SLC24A2: variants seen among roughly 807,000 people sequenced by gnomAD.
The protein encoded by SLC24A2 is solute carrier family 24 member 2, also known as sodium/potassium/calcium exchanger 2.
A neutral mutation model predicts 62.0 loss-of-function variants in SLC24A2; 36 were observed. The ratio of observed to expected loss-of-function variants is 0.58; its 90% confidence interval spans 0.44 to 0.77. The LOEUF (loss-of-function observed/expected upper bound fraction) is 0.77. SLC24A2 is among the 30% of genes least tolerant of loss of function. The probability of loss-of-function intolerance (pLI) is 0.00; values close to 1 mark genes in which losing one functional copy is unlikely to be tolerated. For synonymous variants in SLC24A2, 358 were observed against 294.0 expected, an observed-to-expected ratio of 1.22 and a Z score of -2.23; for missense variants, 846 against 817.9, an observed-to-expected ratio of 1.03 and a Z score of -0.42.
the SLC24A2 span, among the ~76,000 whole-genome samples, chr9:19,875,641 G>C: frequency 2.0e-5 from 3 of 152,212 alleles, no homozygotes; most frequent in Non-Finnish European, 4.4e-5. Context: ...TAGGGCTCAA[G>C]AAAGAGGAAT....
intron 2 of SLC24A2, among the ~76,000 whole-genome samples, chr9:19,741,161 A>T (rs1046230863): frequency 5.3e-5 from 8 of 152,072 alleles, no homozygotes; most frequent in African/African-American, 1.9e-4. Context: ...ATTGTGTGCT[A>T]TTGATTCCGC....
At chr9:20,224,338 C>T in the SLC24A2 span, among the ~76,000 whole-genome samples, 9 of 151,758 alleles carry the variant, frequency 5.9e-5, no homozygotes, top group African/African-American at 1.9e-4. Flanking sequence ...GCCACAAACA[C>T]GATGAGTTGC....
At chr9:20,296,751 G>T in the SLC24A2 span, among the ~76,000 whole-genome samples, 2 of 152,200 alleles carry the variant, frequency 1.3e-5, no homozygotes, top group Admixed American at 1.3e-4. Context: ...ATAAAGCTGG[G>T]TGTACAGAAT....
At chr9:20,284,688 G>A in the SLC24A2 span, among the ~76,000 whole-genome samples, 1 of 152,106 alleles carries the variant, frequency 6.6e-6, no homozygotes, top group African/African-American at 2.4e-5. Flanking sequence ...GAAACTAGTA[G>A]AGTTTCACAA....
At chr9:19,584,273 TAAAAA>T (rs5896848) in intron 5 of SLC24A2, among the ~76,000 whole-genome samples, 11 of 119,918 alleles carry the variant, frequency 9.2e-5, no homozygotes, top group Admixed American at 3.3e-4. Context: ...TAGCAAATAG[TAAAAA>T]AAAAAAAAAA....
chr9:19,888,458 A>G, the SLC24A2 span, among the ~76,000 whole-genome samples: 4 of 152,174 alleles, frequency 2.6e-5, no homozygotes, highest in African/African-American at 9.7e-5. Context: ...TATTTATAAT[A>G]AAACCCCCAA....
the SLC24A2 span, among the ~76,000 whole-genome samples, chr9:20,075,471 C>T: frequency 6.6e-6 from 1 of 152,192 alleles, no homozygotes. Flanking sequence ...TCACCCCTAA[C>T]TTGTGGATGG....
chr9:19,914,539 G>A, the SLC24A2 span, among the ~76,000 whole-genome samples: 1 of 151,804 alleles, frequency 6.6e-6, no homozygotes, highest in Non-Finnish European at 1.5e-5. Flanking sequence ...CTATCCTCAG[G>A]TCTTGGCCTG....
At chr9:19,743,224 T>A (rs1468237936) in intron 2 of SLC24A2, among the ~76,000 whole-genome samples, 2 of 152,188 alleles carry the variant, frequency 1.3e-5, no homozygotes, top group Non-Finnish European at 1.5e-5. Flanking sequence ...TACGGCTGAG[T>A]TGGACAACTA....
At chr9:19,941,586 T>TGA in the SLC24A2 span, among the ~76,000 whole-genome samples, 3 of 129,356 alleles carry the variant, frequency 2.3e-5, no homozygotes, top group African/African-American at 9.1e-5. Context: ...TGTGTGTGTG[T>TGA]GTGTGAGAGA....
chr9:19,833,925 C>T, the SLC24A2 span, among the ~76,000 whole-genome samples: 4 of 152,250 alleles, frequency 2.6e-5, no homozygotes, highest in South Asian at 6.2e-4. Flanking sequence ...CACCAATATC[C>T]GCTGTTCTGC....
the SLC24A2 span, among the ~76,000 whole-genome samples, chr9:20,031,841 T>G: frequency 2.4e-4 from 36 of 152,278 alleles, no homozygotes; most frequent in Admixed American, 2.1e-3. Context: ...GTTGGTGGGC[T>G]GGTAAATGTT....
chr9:19,865,787 G>C, the SLC24A2 span, among the ~76,000 whole-genome samples: 1 of 152,118 alleles, frequency 6.6e-6, no homozygotes, highest in Non-Finnish European at 1.5e-5. Context: ...CTTCAGTCTG[G>C]GCAAACATTT....
At chr9:20,279,523 C>T in the SLC24A2 span, among the ~76,000 whole-genome samples, 1 of 152,182 alleles carries the variant, frequency 6.6e-6, no homozygotes, top group African/African-American at 2.4e-5. Context: ...AAGAGTGAAA[C>T]TCTGTCTTAA....
intron 5 of SLC24A2, among the ~76,000 whole-genome samples, chr9:19,582,373 G>A (rs1401730522): frequency 2.6e-5 from 4 of 152,276 alleles, no homozygotes; most frequent in South Asian, 2.1e-4. Flanking sequence ...AATAGGCAGG[G>A]TTACTGGGGT....
chr9:19,581,548 A>G (rs1190182216), intron 5 of SLC24A2, among the ~76,000 whole-genome samples: 4 of 152,222 alleles, frequency 2.6e-5, no homozygotes, highest in Non-Finnish European at 4.4e-5. Context: ...GCATGTTTCA[A>G]TGGCCTCTGA....
the SLC24A2 span, among the ~76,000 whole-genome samples, chr9:20,140,613 G>A: frequency 3.9e-5 from 6 of 152,258 alleles, no homozygotes; most frequent in Admixed American, 3.3e-4. Context: ...CCTGACCTCA[G>A]AATTTCTCAC....
chr9:19,535,821 T>C (rs1052672357), intron 8 of SLC24A2, among the ~76,000 whole-genome samples: 18 of 152,322 alleles, frequency 1.2e-4, no homozygotes, highest in Non-Finnish European at 2.1e-4. Flanking sequence ...GCCTTGGCTA[T>C]ACAGGCTCTT....
the SLC24A2 span, among the ~76,000 whole-genome samples, chr9:19,851,673 G>C: frequency 1.3e-5 from 2 of 152,088 alleles, no homozygotes; most frequent in African/African-American, 4.8e-5. Flanking sequence ...CCTTTTTATG[G>C]CTGCATAGTA....
Sources: allele counts gnomAD v4.1 joint callset (sites outside exome capture counted in the v4.1 genomes callset), GRCh38; gene constraint gnomAD v4.1.1; transcripts MANE v1.5; gene names NCBI Gene and HGNC (gene_info 2026-07-23, HGNC 2026-07-21).